CSMD2: variants seen among roughly 807,000 people sequenced by gnomAD.
CSMD2 encodes CUB and Sushi multiple domains 2, also known as CUB and sushi domain-containing protein 2.
A neutral mutation model predicts 398.5 loss-of-function variants in CSMD2; 130 were observed. The ratio of observed to expected loss-of-function variants is 0.33; its 90% CI spans 0.28 to 0.38. CSMD2 has a LOEUF of 0.38. CSMD2 is among the 10% of genes least tolerant of loss of function. The pLI, the probability that CSMD2 is intolerant of heterozygous loss-of-function variation, is 1.00. For missense variants in CSMD2, 3,829 were observed against 4,764.9 expected (o/e 0.80, Z 5.78); for synonymous variants, 1,828 against 1,908.5 (o/e 0.96, Z 1.10).
chr1:34,132,123 G>T (rs190636860), intron 1 of CSMD2, among the ~76,000 whole-genome samples: 35 of 152,218 alleles, frequency 2.3e-4, no homozygotes, highest in Middle Eastern at 3.4e-3. Context: ...TAAGGAGGAA[G>T]AGCAAGAGAG....
At chr1:33,864,154 C>T in intron 5 of CSMD2, 1 of 1,543,296 alleles carries the variant, frequency 6.5e-7, no homozygotes, top group Non-Finnish European at 8.7e-7. Context: ...CTCTCCTGTC[C>T]ACGTTACTGA....
At chr1:33,557,105 T>C (rs1341639011) in intron 55 of CSMD2, among the ~76,000 whole-genome samples, 2 of 152,248 alleles carry the variant, frequency 1.3e-5, no homozygotes, top group African/African-American at 2.4e-5. Flanking sequence ...TCATTGTTTA[T>C]TGAGTAGCTA....
intron 3 of CSMD2, among the ~76,000 whole-genome samples, chr1:34,020,841 A>T (rs1648781419): frequency 6.6e-6 from 1 of 152,088 alleles, no homozygotes. Context: ...AAGGTGCTCG[A>T]CAAGTGCCAG....
intron 3 of CSMD2, among the ~76,000 whole-genome samples, chr1:34,026,670 G>A (rs1254407216): frequency 6.6e-6 from 1 of 152,226 alleles, no homozygotes; most frequent in Non-Finnish European, 1.5e-5. Flanking sequence ...CATCACGCTC[G>A]CTTACCTGGC....
chr1:33,918,420 T>A, intron 4 of CSMD2, 119 bp from the exon 5 acceptor site: 1 of 811,316 alleles, frequency 1.2e-6, no homozygotes, highest in Non-Finnish European at 1.9e-6. Flanking sequence ...TCACAGTTTG[T>A]GGACATAGAT....
chr1:34,048,830 C>T (rs1313758894), intron 2 of CSMD2, among the ~76,000 whole-genome samples: 3 of 152,106 alleles, frequency 2.0e-5, no homozygotes, highest in Non-Finnish European at 2.9e-5. Flanking sequence ...AAGGTGTTGG[C>T]CATGAAGTGG....
At chr1:33,632,103 T>A (rs1336639446) in intron 32 of CSMD2, among the ~76,000 whole-genome samples, 1 of 152,072 alleles carries the variant, frequency 6.6e-6, no homozygotes, top group Non-Finnish European at 1.5e-5. Context: ...ACTGATTAAC[T>A]ATATTTGAAA....
intron 25 of CSMD2, among the ~76,000 whole-genome samples, chr1:33,686,593 G>A (rs1443416190): frequency 6.6e-6 from 1 of 152,208 alleles, no homozygotes; most frequent in African/African-American, 2.4e-5. Context: ...GTAGATTCCT[G>A]CAGCCAACTA....
chr1:33,925,016 G>C (rs1299160912), intron 4 of CSMD2, among the ~76,000 whole-genome samples: 1 of 152,088 alleles, frequency 6.6e-6, no homozygotes, highest in Non-Finnish European at 1.5e-5. Context: ...TCACTTTGTT[G>C]ATGGTTTCTT....
rs1653622308 is a variant in CSMD2, at chr1:33,514,770, CA to C, written c.*1853del. 1 of 152,140 alleles carries C rather than the reference CA, an allele frequency of 6.6e-6. No individual in the cohort carries two copies. The highest frequency in any genetic ancestry group is 6.6e-5 in the Admixed American group (1 of 15,258). The allele number at this position is 152,140 out of a possible 1,614,324, so 9.4% of individuals were successfully genotyped here. On this transcript the variant is annotated 3_prime_UTR_variant, in exon 71 of 71. Transcript: ENST00000373381. The stretch of plus-strand genomic sequence containing the variant: ...TGGATTGGCCCTCTCCCTCCAGGCC[CA>C]GGGGGGTGCCGTGTCCCAGAGGTGG...
chr1:33,911,125 C>T (rs964497119), intron 5 of CSMD2, among the ~76,000 whole-genome samples: 1 of 152,324 alleles, frequency 6.6e-6, no homozygotes, highest in African/African-American at 2.4e-5. Flanking sequence ...ATAAATAACT[C>T]CTTAGGAACC....
chr1:34,107,696 C>T (rs1660657157), intron 1 of CSMD2, among the ~76,000 whole-genome samples: 1 of 152,200 alleles, frequency 6.6e-6, no homozygotes, highest in African/African-American at 2.4e-5. Context: ...ACAGCACTCT[C>T]ATACAGCAAA....
At chr1:33,600,125 G>A (rs777171456) in intron 44 of CSMD2, 73 of 711,708 alleles carry the variant, frequency 1.0e-4, no homozygotes, top group Non-Finnish European at 1.8e-4. Context: ...TACAGGTGAA[G>A]AAACTGAAGT....
At chr1:33,846,824 C>A in intron 6 of CSMD2, 60 bp downstream of exon 6, 1 of 1,078,412 alleles carries the variant, frequency 9.3e-7, no homozygotes, top group South Asian at 1.6e-5. Flanking sequence ...GGTGATGAGC[C>A]CTCCAGGTGT....
chr1:33,777,940 C>G (rs1210783412), intron 12 of CSMD2, among the ~76,000 whole-genome samples: 7 of 152,220 alleles, frequency 4.6e-5, no homozygotes, highest in Non-Finnish European at 8.8e-5. Context: ...ATTTGATGTG[C>G]TCCAAGAGGG....
chr1:34,141,663 C>T (rs1488409419), intron 1 of CSMD2, among the ~76,000 whole-genome samples: 1 of 145,958 alleles, frequency 6.9e-6, no homozygotes, highest in Non-Finnish European at 1.5e-5. Flanking sequence ...GGGATGAGGT[C>T]AGGAAGAAAA....
intron 3 of CSMD2, among the ~76,000 whole-genome samples, chr1:33,977,704 G>C (rs1202004540): frequency 6.6e-6 from 1 of 151,826 alleles, no homozygotes; most frequent in African/African-American, 2.4e-5. Flanking sequence ...GCCCTTCCCT[G>C]ACCCAACCCT....
intron 5 of CSMD2, among the ~76,000 whole-genome samples, chr1:33,884,297 C>T (rs986485035): frequency 2.6e-5 from 4 of 152,014 alleles, no homozygotes; most frequent in Admixed American, 2.6e-4. Flanking sequence ...AACTTTAGAT[C>T]CTTACATCCT....
At chr1:33,918,775 G>A (rs1262341946) in intron 4 of CSMD2, among the ~76,000 whole-genome samples, 1 of 152,150 alleles carries the variant, frequency 6.6e-6, no homozygotes, top group Non-Finnish European at 1.5e-5. Context: ...GGGTAAGGAA[G>A]GTCTAGATTT....
Sources: gnomAD v4.1 joint callset for allele counts (sites outside exome capture counted in the v4.1 genomes callset) on GRCh38, gnomAD v4.1.1 for gene constraint, MANE v1.5 for transcripts, NCBI Gene and HGNC (gene_info 2026-07-23, HGNC 2026-07-21) for gene names.